The following EPC2 variants were observed in gnomAD, a reference collection of about 807,000 sequenced individuals.
The protein encoded by EPC2 is enhancer of polycomb homolog 2.
In EPC2, 14 loss-of-function variants were observed where a neutral mutation model predicts 92.1. That is an observed-to-expected ratio of 0.15 (90% CI 0.10 to 0.24). The LOEUF (loss-of-function observed/expected upper bound fraction) is 0.24. EPC2 is among the 10% of genes least tolerant of loss of function. The pLI is 1.00. For missense variants in EPC2, 755 were observed against 971.5 expected (o/e 0.78, Z 2.96); for synonymous variants, 340 against 334.7 (o/e 1.02, Z -0.17).
In EPC2 at chr2:148,781,850, C is replaced by T. The variant is rs1049322384; in HGVS notation, c.1857+70C>T. ...TTATGTAGTTTTATTCCATTTTAGT[C>T]AAGTCACAGAAGATAATCTTGGTTT... is the stretch of plus-strand genomic sequence containing the variant. On this transcript the variant is annotated intron_variant, in intron 11 of 13. Coordinates refer to ENST00000258484, the MANE Select transcript of EPC2 (RefSeq NM_015630.4). 11 of 1,570,234 alleles carry T rather than the reference C, an allele frequency of 7.0e-6. No homozygotes were observed. In the African/African-American group the frequency reaches 1.5e-4, roughly 21 times the overall value.
intron 3 of EPC2, among the ~76,000 whole-genome samples, chr2:148,750,970 T>C (rs1438897126): frequency 1.3e-5 from 2 of 152,138 alleles, no homozygotes; most frequent in Non-Finnish European, 2.9e-5. Flanking sequence ...CCCTGTATCT[T>C]ATTACAGTAA....
intron 11 of EPC2, 50 bp from the exon 12 acceptor site, chr2:148,783,547 C>A: frequency 6.5e-7 from 1 of 1,536,788 alleles, no homozygotes; most frequent in Non-Finnish European, 8.8e-7. Flanking sequence ...TTAATATGTT[C>A]ATAAAATCAC....
chr2:148,736,844 AGTTTCAGCAGTTTGGGAG>A, intron 2 of EPC2, among the ~76,000 whole-genome samples: 1 of 152,078 alleles, frequency 6.6e-6, no homozygotes, highest in African/African-American at 2.4e-5. Flanking sequence ...TCATGCCTGT[AGTTTCAGCAGTTTGGGAG>A]GCTGAGGCAG....
At chr2:148,744,988 T>TCCCCC (rs1558827397) in intron 3 of EPC2, among the ~76,000 whole-genome samples, 1 of 37,390 alleles carries the variant, frequency 2.7e-5, no homozygotes, top group Non-Finnish European at 9.5e-5. Context: ...CCTATCAGTT[T>TCCCCC]GCCCCCCCCC....
intron 6 of EPC2, among the ~76,000 whole-genome samples, chr2:148,764,029 T>A (rs1196857428): frequency 2.0e-5 from 3 of 152,240 alleles, no homozygotes; most frequent in Admixed American, 1.3e-4. Context: ...TACTTTGTCA[T>A]GTATCCCACT....
chr2:148,784,528 C>T (rs535031771), intron 12 of EPC2, 140 bp from the exon 13 acceptor site: 5 of 650,388 alleles, frequency 7.7e-6, no homozygotes, highest in African/African-American at 5.5e-5. Context: ...ATCAGAAGCT[C>T]CCTTTGGAGA....
chr2:148,660,298 A>T (rs1331384960), intron 1 of EPC2, among the ~76,000 whole-genome samples: 1 of 152,160 alleles, frequency 6.6e-6, no homozygotes, highest in Non-Finnish European at 1.5e-5. Flanking sequence ...CACTTCAGTT[A>T]TTGGATTAGC....
rs1310704555 is a variant in EPC2 at position 148,667,204 on chromosome 2, A to G, written c.153+22034A>G. Among the ~76,000 whole-genome samples, 3 of 152,230 alleles carry G rather than the reference A, an allele frequency of 2.0e-5. 1 individual carries two copies. Among genetic ancestry groups the G allele is most frequent in the African/African-American group, 7.2e-5 (3 of 41,464 alleles). Reference sequence around the variant, plus strand: ...TGAGAAGCCTGTCTTGCTGTTCCGTAGATGAATGAAGACTTTGCCAATCAA... The same window carrying G: ...TGAGAAGCCTGTCTTGCTGTTCCGTGGATGAATGAAGACTTTGCCAATCAA... On this transcript the variant is annotated intron_variant, in intron 1 of 13. Coordinates refer to ENST00000258484, the MANE Select transcript of EPC2 (RefSeq NM_015630.4).
intron 2 of EPC2, among the ~76,000 whole-genome samples, chr2:148,732,826 A>G (rs759573257): frequency 1.3e-5 from 2 of 152,038 alleles, no homozygotes; most frequent in Non-Finnish European, 2.9e-5. Flanking sequence ...TTTGTATGCA[A>G]TTTTGCATAT....
At chr2:148,680,528 CG>C (rs1553443520) in intron 1 of EPC2, among the ~76,000 whole-genome samples, 8 of 152,072 alleles carry the variant, frequency 5.3e-5, no homozygotes, top group South Asian at 2.1e-4. Flanking sequence ...ATCTTGAGGC[CG>C]GATATTTATT....
At chr2:148,703,701 T>G (rs1380004309) in intron 2 of EPC2, among the ~76,000 whole-genome samples, 2 of 152,152 alleles carry the variant, frequency 1.3e-5, no homozygotes, top group Admixed American at 1.3e-4. Flanking sequence ...GCTAATTTTA[T>G]TTTAATGCTT....
chr2:148,761,965 A>T, intron 5 of EPC2, 35 bp downstream of exon 5: 1 of 1,526,430 alleles, frequency 6.6e-7, no homozygotes, highest in Non-Finnish European at 8.7e-7. Context: ...TAAAATGACA[A>T]CTTTACCAAA....
intron 1 of EPC2, among the ~76,000 whole-genome samples, chr2:148,682,329 C>A (rs569386584): frequency 6.6e-6 from 1 of 152,154 alleles, no homozygotes; most frequent in African/African-American, 2.4e-5. Context: ...CTAGTTTACA[C>A]TCCCACCAAC....
chr2:148,772,686 C>T (rs541848977), intron 10 of EPC2, among the ~76,000 whole-genome samples: 1 of 152,126 alleles, frequency 6.6e-6, no homozygotes, highest in East Asian at 1.9e-4. Context: ...AAAATGGCCT[C>T]CCATTATATA....
chr2:148,656,557 G>C (rs1224190966), intron 1 of EPC2, among the ~76,000 whole-genome samples: 2 of 152,204 alleles, frequency 1.3e-5, no homozygotes, highest in Non-Finnish European at 2.9e-5. Context: ...GGACTGCACT[G>C]TCTCCTACTG....
intron 1 of EPC2, among the ~76,000 whole-genome samples, chr2:148,661,642 T>C (rs1262118714): frequency 6.6e-6 from 1 of 152,152 alleles, no homozygotes; most frequent in African/African-American, 2.4e-5. Flanking sequence ...TTTGTATTGA[T>C]TTACAGATGT....
At chr2:148,670,385 T>C (rs1483265472) in intron 1 of EPC2, among the ~76,000 whole-genome samples, 1 of 152,102 alleles carries the variant, frequency 6.6e-6, no homozygotes, top group Admixed American at 6.5e-5. Context: ...TCATATAATG[T>C]AAAATTCTGT....
intron 2 of EPC2, among the ~76,000 whole-genome samples, chr2:148,707,525 C>G (rs1682028309): frequency 6.6e-6 from 1 of 152,174 alleles, no homozygotes; most frequent in African/African-American, 2.4e-5. Flanking sequence ...AACTCTCCAC[C>G]CCAAATCAAC....
intron 1 of EPC2, among the ~76,000 whole-genome samples, chr2:148,650,260 C>CT (rs1680650748): frequency 6.6e-6 from 1 of 152,036 alleles, no homozygotes; most frequent in Non-Finnish European, 1.5e-5. Flanking sequence ...ATATTTGTGT[C>CT]TTTTCTCCCC....
Sources: gnomAD v4.1 joint callset for allele counts (sites outside exome capture counted in the v4.1 genomes callset) on GRCh38, gnomAD v4.1.1 for gene constraint, MANE v1.5 for transcripts, NCBI Gene and HGNC (gene_info 2026-07-23, HGNC 2026-07-21) for gene names.